LEF1: variants seen among roughly 807,000 people sequenced by gnomAD.
The protein encoded by LEF1 is lymphoid enhancer-binding factor 1.
A neutral mutation model predicts 51.2 loss-of-function variants in LEF1; 14 were observed. The ratio of observed to expected loss-of-function variants is 0.27; its 90% CI spans 0.18 to 0.43. LEF1 has a LOEUF of 0.43. Among genes scored for constraint, LEF1 ranks in the 20% least tolerant of loss-of-function variants. The pLI is 1.00. For synonymous variants in LEF1, 185 were observed against 183.2 expected (o/e 1.01, Z -0.08); for missense variants, 386 against 512.0 (o/e 0.75, Z 2.37).
chr4:108,152,332 C>A (rs1454034675), intron 3 of LEF1, among the ~76,000 whole-genome samples: 2 of 152,150 alleles, frequency 1.3e-5, no homozygotes, highest in African/African-American at 4.8e-5. Flanking sequence ...AGCTGCAAGG[C>A]AGAGTGGTGA....
chr4:108,050,592 A>T (rs1451911720), intron 11 of LEF1, among the ~76,000 whole-genome samples: 2 of 152,170 alleles, frequency 1.3e-5, no homozygotes, highest in Non-Finnish European at 2.9e-5. Context: ...TCCTATTTAC[A>T]TTATAATTTT....
rs1486212409 is a variant in LEF1, at chr4:108,148,026, A to G, written c.414+15542T>C. 9.2e-5 allele frequency among the ~76,000 whole-genome samples: 14 copies of G among 152,340 alleles called. No homozygotes were observed. In the South Asian group the frequency reaches 1.4e-3, roughly 16 times the overall value. On this transcript the variant is annotated intron_variant, in intron 3 of 11. Transcript: ENST00000265165. ...CAACAACGATTTAAAATGTGGTTAA[A>G]TAGTACAAAAAGCAAGTGCCTCACA...
intron 3 of LEF1, among the ~76,000 whole-genome samples, chr4:108,158,742 G>A (rs777015643): frequency 3.0e-4 from 46 of 151,204 alleles, no homozygotes; most frequent in Admixed American, 7.9e-4. Flanking sequence ...AAACTCATCC[G>A]CTACAAAATT....
intron 3 of LEF1, among the ~76,000 whole-genome samples, chr4:108,095,478 C>T (rs1740318888): frequency 6.6e-6 from 1 of 152,132 alleles, no homozygotes; most frequent in African/African-American, 2.4e-5. Context: ...CTTCCTGCCC[C>T]ACACTGTTTG....
At chr4:108,062,677 A>T (rs1353382243) in intron 11 of LEF1, among the ~76,000 whole-genome samples, 2 of 152,222 alleles carry the variant, frequency 1.3e-5, no homozygotes, top group Non-Finnish European at 2.9e-5. Context: ...GGTAGAAAGA[A>T]AGCCTGGAGG....
intron 3 of LEF1, among the ~76,000 whole-genome samples, chr4:108,099,570 G>GTATA (rs551521155): frequency 2.0e-3 from 143 of 70,134 alleles, no homozygotes; most frequent in East Asian, 9.3e-3. Flanking sequence ...GTGTGTGTGT[G>GTATA]TATATATATA....
At chr4:108,056,176 T>C (rs1737292367) in intron 11 of LEF1, among the ~76,000 whole-genome samples, 1 of 152,160 alleles carries the variant, frequency 6.6e-6, no homozygotes, top group South Asian at 2.1e-4. Flanking sequence ...TATTGTCTCT[T>C]TGGGAGATGA....
chr4:108,079,017 C>T (rs1201849606), intron 7 of LEF1, among the ~76,000 whole-genome samples: 2 of 152,242 alleles, frequency 1.3e-5, no homozygotes, highest in Non-Finnish European at 2.9e-5. Flanking sequence ...CAGTCTGAGA[C>T]AACCCTGGCC....
intron 9 of LEF1, among the ~76,000 whole-genome samples, chr4:108,067,500 C>G (rs144335472): frequency 6.6e-6 from 1 of 150,856 alleles, no homozygotes; most frequent in Non-Finnish European, 1.5e-5. Context: ...CAAACTACAC[C>G]CAAAAGACAC....
intron 3 of LEF1, among the ~76,000 whole-genome samples, chr4:108,113,597 A>G (rs1023223408): frequency 6.6e-6 from 1 of 152,226 alleles, no homozygotes; most frequent in African/African-American, 2.4e-5. Context: ...TAGTGCTGTC[A>G]AAATACCAAA....
intron 3 of LEF1, among the ~76,000 whole-genome samples, chr4:108,121,637 A>C (rs1742187420): frequency 6.6e-6 from 1 of 152,168 alleles, no homozygotes; most frequent in Non-Finnish European, 1.5e-5. Flanking sequence ...AAAAACTCAC[A>C]CCTAACAATG....
At chr4:108,080,874 G>A (rs776684650) in intron 6 of LEF1, among the ~76,000 whole-genome samples, 8 of 152,090 alleles carry the variant, frequency 5.3e-5, no homozygotes, top group Non-Finnish European at 1.0e-4. Context: ...CCTTGACAAA[G>A]CCACATCGAA....
In LEF1 at chr4:108,076,902, C is replaced by T. The variant is rs574963666; in HGVS notation, c.1008+1318G>A. ...ATTAGCCAGGTGTGGTGGTAGGCAA[C>T]TATAATTCCAGCTCCTCAGGAAGCG... On this transcript the variant is annotated intron_variant, in intron 8 of 11. Coordinates refer to ENST00000265165, the MANE Select transcript of LEF1 (RefSeq NM_016269.5). 1.5e-4 allele frequency among the ~76,000 whole-genome samples: 23 copies of T among 150,922 alleles called. 1 individual carries two copies. The South Asian group carries it at 4.8e-3, about 32-fold the overall frequency.
chr4:108,159,400 C>A (rs1744931667), intron 3 of LEF1, among the ~76,000 whole-genome samples: 2 of 152,126 alleles, frequency 1.3e-5, no homozygotes, highest in Admixed American at 1.3e-4. Flanking sequence ...AAAAAGTGCA[C>A]AACTTAAAAT....
At chr4:108,068,055 G>A (rs1738200582) in intron 9 of LEF1, among the ~76,000 whole-genome samples, 1 of 151,706 alleles carries the variant, frequency 6.6e-6, no homozygotes, top group South Asian at 2.1e-4. Context: ...ATCACCTCAG[G>A]TCAGGAGTTC....
At chr4:108,107,793 A>G (rs1741269133) in intron 3 of LEF1, among the ~76,000 whole-genome samples, 1 of 151,714 alleles carries the variant, frequency 6.6e-6, no homozygotes, top group African/African-American at 2.4e-5. Context: ...GCCCCCCAAC[A>G]TGCTGCTTCT....
chr4:108,131,078 T>C (rs1003221484), intron 3 of LEF1, among the ~76,000 whole-genome samples: 1 of 152,008 alleles, frequency 6.6e-6, no homozygotes, highest in South Asian at 2.1e-4. Flanking sequence ...TGGACTCAAG[T>C]GATCCTCCGC....
intron 3 of LEF1, among the ~76,000 whole-genome samples, chr4:108,123,142 G>T (rs1374960132): frequency 1.3e-5 from 2 of 152,168 alleles, no homozygotes; most frequent in African/African-American, 4.8e-5. Context: ...GAATGAATCT[G>T]TCTTCACTTC....
rs1165357826 is a variant in LEF1 at position 108,167,365 on chromosome 4, C to A, written c.213+190G>T. ...ACCTCCCATCCTACACACACACACA[C>A]ACACACACACACACACACACACACA... is the stretch of plus-strand genomic sequence containing the variant. On this transcript the variant is annotated intron_variant, in intron 1 of 11. Coordinates refer to ENST00000265165, the MANE Select transcript of LEF1 (RefSeq NM_016269.5). This position sits in a 1 kb window ranked among gnomAD's most constrained non-coding sequence, Gnocchi z 5.7. Among the ~76,000 whole-genome samples, 1 of 146,562 alleles carries A rather than the reference C, an allele frequency of 6.8e-6. No individual in the cohort carries two copies. Among genetic ancestry groups the A allele is most frequent in the Non-Finnish European group, 1.5e-5 (1 of 67,426 alleles).
Sources: gnomAD v4.1 joint callset for allele counts (sites outside exome capture counted in the v4.1 genomes callset) on GRCh38, gnomAD v4.1.1 for gene constraint, Gnocchi (gnomAD v3.1) non-coding constraint, MANE v1.5 for transcripts, NCBI Gene and HGNC (gene_info 2026-07-23, HGNC 2026-07-21) for gene names.